PRKDC: variants seen among roughly 807,000 people sequenced by gnomAD.
The protein encoded by PRKDC is DNA-dependent protein kinase catalytic subunit.
In PRKDC, 82 loss-of-function variants were observed where a neutral mutation model predicts 486.9. That is an observed-to-expected ratio of 0.17 (90% CI 0.14 to 0.20). The LOEUF (loss-of-function observed/expected upper bound fraction) is 0.20. Ranked by LOEUF, PRKDC falls within the 10% of genes least tolerant of loss-of-function variation. The pLI is 1.00. For synonymous variants in PRKDC, 1,895 were observed against 1,837.0 expected (o/e 1.03, Z -0.81); for missense variants, 4,504 against 5,038.2 (o/e 0.89, Z 3.21).
intron 7 of PRKDC, among the ~76,000 whole-genome samples, chr8:47,947,820 A>G (rs181105020): frequency 1.3e-3 from 203 of 152,262 alleles, no homozygotes; most frequent in African/African-American, 4.6e-3. Flanking sequence ...AGGCACAAGA[A>G]TCACTTGAAC....
chr8:47,791,961 CAAAT>C (rs1268742705), intron 74 of PRKDC, among the ~76,000 whole-genome samples: 12 of 152,138 alleles, frequency 7.9e-5, no homozygotes, highest in Non-Finnish European at 8.8e-5. Context: ...CATCAACAGA[CAAAT>C]GAATGAAGAA....
intron 28 of PRKDC, among the ~76,000 whole-genome samples, chr8:47,898,852 G>A (rs2089630560): frequency 6.6e-6 from 1 of 152,194 alleles, no homozygotes; most frequent in South Asian, 2.1e-4. Flanking sequence ...ACTAGAAACT[G>A]TACCACCAAC....
chr8:47,948,011 A>C (rs2090562588), intron 7 of PRKDC, among the ~76,000 whole-genome samples: 1 of 151,732 alleles, frequency 6.6e-6, no homozygotes, highest in Admixed American at 6.6e-5. Context: ...TGAGCCCAGG[A>C]GGTTGAGGAT....
chr8:47,903,371 G>A (rs999686455), intron 26 of PRKDC, among the ~76,000 whole-genome samples: 2 of 152,158 alleles, frequency 1.3e-5, no homozygotes, highest in Admixed American at 6.5e-5. Flanking sequence ...TAGTCATGAC[G>A]CTGTCTCAGA....
chr8:47,830,628 T>A lies in PRKDC; in HGVS notation c.8374A>T (p.Thr2792Ser), dbSNP rs558558313. Reference sequence around the variant, plus strand: ...ACCTGGGCCACGGCCTGTAACGGGGTGATGAGGCTGCTGTGCTTGATCTGA... The same window carrying A: ...ACCTGGGCCACGGCCTGTAACGGGGAGATGAGGCTGCTGTGCTTGATCTGA... ...DIQIKHSSLITPLQAVAQRDP... is the reference protein window; with the variant it reads ...DIQIKHSSLISPLQAVAQRDP... The change falls in exon 61 of 86, where the codon ACC becomes TCC. Residue 2792 changes from threonine to serine, a missense_variant. Physicochemically the swap from Thr to Ser is moderately conservative, Grantham distance 58. Transcript: ENST00000314191. The A allele has an allele frequency of 6.2e-7, 1 of 1,613,526 alleles. No homozygotes were observed. The highest frequency in any genetic ancestry group is 1.3e-5 in the African/African-American group (1 of 74,838).
chr8:47,949,608 T>C (rs1043925456), intron 7 of PRKDC, among the ~76,000 whole-genome samples: 18 of 152,152 alleles, frequency 1.2e-4, no homozygotes, highest in African/African-American at 4.1e-4. Context: ...ATTAAACATA[T>C]GACCTAACAA....
chr8:47,782,828 T>C lies in PRKDC; in HGVS notation c.11176-230A>G, dbSNP rs1317453898. 1 of 576,066 alleles carries C rather than the reference T, an allele frequency of 1.7e-6. No individual in the cohort carries two copies. Among genetic ancestry groups the C allele is most frequent in the East Asian group, 2.9e-5 (1 of 34,968 alleles). 35.7% of individuals were successfully genotyped at this position (576,066 alleles called of 1,614,324 possible). A position where few individuals can be genotyped will look rare whatever the true frequency, so the allele number is the denominator to read the frequency against. Reference sequence around the variant, plus strand: ...ATAAATACTTGCTTATGAATGTGGATATCTTTAGCAAGCAGCAACAGCCAA... The same window carrying C: ...ATAAATACTTGCTTATGAATGTGGACATCTTTAGCAAGCAGCAACAGCCAA... On this transcript the variant is annotated intron_variant, in intron 78 of 85. Transcript: ENST00000314191. This position sits in a 1 kb window ranked among gnomAD's most constrained non-coding sequence, Gnocchi z 4.9.
intron 81 of PRKDC, 23 bp from the exon 82 acceptor site, chr8:47,778,822 T>C: frequency 6.3e-7 from 1 of 1,593,232 alleles, no homozygotes; most frequent in South Asian, 1.2e-5. Context: ...AATAGAAACA[T>C]CTAATTAGAA....
At chr8:47,891,191 T>C (rs2089448333) in intron 31 of PRKDC, among the ~76,000 whole-genome samples, 1 of 152,166 alleles carries the variant, frequency 6.6e-6, no homozygotes. Flanking sequence ...AGTTTATTAC[T>C]CCAAGGTGCA....
intron 7 of PRKDC, among the ~76,000 whole-genome samples, chr8:47,952,265 C>A (rs1430190510): frequency 6.6e-6 from 1 of 152,046 alleles, no homozygotes; most frequent in Non-Finnish European, 1.5e-5. Context: ...TAAATACACA[C>A]AGGAATATGA....
chr8:47,777,490 T>C (rs1181060219), intron 84 of PRKDC, among the ~76,000 whole-genome samples, 196 bp downstream of exon 84: 1 of 152,186 alleles, frequency 6.6e-6, no homozygotes, highest in East Asian at 1.9e-4. Flanking sequence ...ATTATAGGTG[T>C]GAGCCACTGG....
intron 1 of PRKDC, 27 bp from the exon 2 acceptor site, chr8:47,957,458 TAAGAGAGTGCC>T: frequency 6.5e-7 from 1 of 1,533,518 alleles, no homozygotes; most frequent in Non-Finnish European, 8.9e-7. Context: ...GTAAACAAGT[TAAGAGAGTGCC>T]AAGAGCATCA....
chr8:47,878,596 G>A (rs751572412), intron 39 of PRKDC, among the ~76,000 whole-genome samples: 1 of 152,112 alleles, frequency 6.6e-6, no homozygotes, highest in African/African-American at 2.4e-5. Flanking sequence ...CCGCTCCCCC[G>A]ATGTTCTCAT....
chr8:47,948,520 C>T (rs1367209089), intron 7 of PRKDC, among the ~76,000 whole-genome samples: 18 of 146,392 alleles, frequency 1.2e-4, no homozygotes, highest in African/African-American at 3.8e-4. Context: ...AGTGCAATGG[C>T]GCGATCTCAG....
intron 49 of PRKDC, among the ~76,000 whole-genome samples, 200 bp from the exon 50 acceptor site, chr8:47,855,573 A>G (rs1230338331): frequency 6.6e-6 from 1 of 152,216 alleles, no homozygotes; most frequent in Non-Finnish European, 1.5e-5. Context: ...CTGCAATCTC[A>G]GAGTTGCCGT....
At position 47,820,891 on chromosome 8, in the gene PRKDC, C is replaced by T. The variant is rs754104095; in HGVS notation, c.9164G>A (p.Gly3055Glu). The stretch of plus-strand genomic sequence containing the variant: ...TGTCAGCAGGGACTGGTCAGCCTCT[C>T]CCTGGAGCAGCAGCTTCAGCTTGCT... ...IRSKLKLLLQ[G>E]EADQSLLTFI... The change falls in exon 66 of 86, where the codon GGA becomes GAA. Residue 3055 changes from glycine to glutamate, a missense_variant. This residue lies in a region of PRKDC where 1,592 missense variants were observed against 1,724.6 expected (regional missense o/e 0.92). Coordinates refer to ENST00000314191, the MANE Select transcript of PRKDC (RefSeq NM_006904.7). 1.9e-6 allele frequency: 3 copies of T among 1,609,230 alleles called. No homozygotes were observed. Among genetic ancestry groups the T allele is most frequent in the African/African-American group, 1.3e-5 (1 of 74,974 alleles).
Position 47,873,843 on chromosome 8 carries a change from G to A in PRKDC, c.5363+3881C>T, listed in dbSNP as rs1290599555. ...AACTCATGGAGATAGAGAATAGAAA[G>A]ACGGTTACCAGAGGCTGGAAAGGGT... On this transcript the variant is annotated intron_variant, in intron 40 of 85. Transcript: ENST00000314191. Among the ~76,000 whole-genome samples the A allele has an allele frequency of 2.6e-5, 4 of 151,944 alleles. No homozygotes were observed. The East Asian group carries it at 7.7e-4, about 29-fold the overall frequency.
chr8:47,921,462 T>C (rs571650195), intron 21 of PRKDC, among the ~76,000 whole-genome samples: 36 of 152,262 alleles, frequency 2.4e-4, no homozygotes, highest in African/African-American at 8.4e-4. Flanking sequence ...TGATAATTTC[T>C]AAGGAAAATA....
chr8:47,869,503 C>T (rs941490240), intron 40 of PRKDC, among the ~76,000 whole-genome samples: 14 of 151,612 alleles, frequency 9.2e-5, no homozygotes, highest in African/African-American at 2.4e-4. Context: ...CTTTGGGTGA[C>T]GAATTATCAG....
Sources: allele counts gnomAD v4.1 joint callset (sites outside exome capture counted in the v4.1 genomes callset), GRCh38; gene constraint gnomAD v4.1.1; regional missense constraint gnomAD v4.1.1; non-coding constraint Gnocchi (gnomAD v3.1); transcripts MANE v1.5; gene names NCBI Gene and HGNC (gene_info 2026-07-23, HGNC 2026-07-21).